CLN8: variants seen among roughly 807,000 people sequenced by gnomAD.
The protein encoded by CLN8 is CLN8 transmembrane ER and ERGIC protein, also known as protein CLN8.
In CLN8, 14 loss-of-function variants were observed where a neutral mutation model predicts 15.7. The ratio of observed to expected loss-of-function variants is 0.89; its 90% CI spans 0.59 to 1.39. CLN8 has a LOEUF of 1.39. Ranked by LOEUF, CLN8 falls within the 40% of genes most tolerant of loss-of-function variation. The probability of loss-of-function intolerance (pLI) is 0.00; values close to 1 mark genes in which losing one functional copy is unlikely to be tolerated. For synonymous variants in CLN8, 188 were observed against 151.0 expected (o/e 1.25, Z -1.80); for missense variants, 415 against 364.0 (o/e 1.14, Z -1.14).
intron 1 of CLN8, among the ~76,000 whole-genome samples, chr8:1,767,785 C>T (rs1359940992): frequency 6.6e-6 from 1 of 151,714 alleles, no homozygotes; most frequent in Non-Finnish European, 1.5e-5. Context: ...GTTGGCCAGG[C>T]TGGTCTCGAA....
upstream of CLN8, chr8:1,759,819 G>A (rs1349626942): frequency 6.6e-6 from 1 of 152,192 alleles, no homozygotes; most frequent in Non-Finnish European, 1.5e-5. Flanking sequence ...AACTACTATT[G>A]CTCACTGGTG....
rs188634468 is a variant in CLN8 at position 1,785,102 on chromosome 8, C to T, written c.*4535C>T. 1.7e-3 allele frequency: 262 copies of T among 156,656 alleles called. 1 individual carries two copies. Among genetic ancestry groups the T allele is most frequent in the Admixed American group, 0.011 (181 of 16,320 alleles). 9.7% of individuals were successfully genotyped at this position (156,656 alleles called of 1,614,324 possible). A position where few individuals can be genotyped will look rare whatever the true frequency, so the allele number is the denominator to read the frequency against. On this transcript the variant is annotated 3_prime_UTR_variant, in exon 3 of 3. Transcript: ENST00000331222. ...ACCAGGTCAGAACTCTTGTTCTATGCGAATGTGCTCACGCAGACAGAAGCG... is the reference window on the plus strand; with the variant it reads ...ACCAGGTCAGAACTCTTGTTCTATGTGAATGTGCTCACGCAGACAGAAGCG...
Position 1,785,221 on chromosome 8 carries a change from C to T in CLN8, c.*4654C>T. On this transcript the variant is annotated 3_prime_UTR_variant, in exon 3 of 3. Transcript: ENST00000331222. ...TCGGCCGCGAAGTGTGTCAGGTGTG[C>T]ATCCTGGGTGCTCCTTTGTGCTCTG... is the stretch of plus-strand genomic sequence containing the variant. 1 of 172,604 alleles carries T rather than the reference C, an allele frequency of 5.8e-6. No homozygotes were observed. The highest frequency in any genetic ancestry group is 1.7e-4 in the East Asian group (1 of 5,766). The allele number at this position is 172,604 out of a possible 1,614,324, so 10.7% of individuals were successfully genotyped here.
chr8:1,767,101 G>A (rs909497065), intron 1 of CLN8, among the ~76,000 whole-genome samples: 20 of 152,220 alleles, frequency 1.3e-4, no homozygotes, highest in African/African-American at 4.6e-4. Context: ...TCATGGCTGA[G>A]AGAGCTGAGG....
At position 1,781,447 on chromosome 8, in the gene CLN8, G is replaced by A. The variant is rs763555564; in HGVS notation, c.*880G>A. 1.3e-5 allele frequency: 2 copies of A among 151,612 alleles called. No homozygotes were observed. Among genetic ancestry groups the A allele is most frequent in the Non-Finnish European group, 2.9e-5 (2 of 67,986 alleles). The allele number at this position is 151,612 out of a possible 1,614,324, so 9.4% of individuals were successfully genotyped here. A position where few individuals can be genotyped will look rare whatever the true frequency, so the allele number is the denominator to read the frequency against. ...GCAAGTGGTACAAAGACAACGCTGA[G>A]GGGTAGTGACTCCTGTAGCAGCAGA... On this transcript the variant is annotated 3_prime_UTR_variant, in exon 3 of 3. Coordinates refer to ENST00000331222, the MANE Select transcript of CLN8 (RefSeq NM_018941.4).
At chr8:1,771,635 A>T (rs771758079) in intron 2 of CLN8, 38 bp downstream of exon 2, 1 of 1,584,926 alleles carries the variant, frequency 6.3e-7, no homozygotes, top group South Asian at 1.1e-5. Flanking sequence ...CATGTGCCTC[A>T]CGCATTTAAT....
chr8:1,767,796 C>T (rs1463325129), intron 1 of CLN8, among the ~76,000 whole-genome samples: 7 of 151,972 alleles, frequency 4.6e-5, no homozygotes, highest in African/African-American at 1.7e-4. Context: ...TGGTCTCGAA[C>T]TTCTGACCTT....
rs1006137760 is a variant in CLN8 at position 1,778,056 on chromosome 8, C to T, written c.544-2194C>T. On this transcript the variant is annotated intron_variant, in intron 2 of 2. Coordinates refer to ENST00000331222, the MANE Select transcript of CLN8 (RefSeq NM_018941.4). Reference sequence around the variant, plus strand: ...TGGGTGTGGGCCCACCTGGTACTGCCGCTATGGGTCTGAGGGAGGTGTGAG... The same window carrying T: ...TGGGTGTGGGCCCACCTGGTACTGCTGCTATGGGTCTGAGGGAGGTGTGAG... Among the ~76,000 whole-genome samples the T allele has an allele frequency of 4.6e-5, 7 of 152,158 alleles. No homozygotes were observed. The South Asian group carries it at 8.3e-4, about 18-fold the overall frequency.
chr8:1,761,688 G>C (rs1448847461), upstream of CLN8, among the ~76,000 whole-genome samples: 3 of 152,234 alleles, frequency 2.0e-5, no homozygotes, highest in African/African-American at 7.2e-5. Flanking sequence ...GGAGCACTGA[G>C]GGGTCAGATC....
At chr8:1,770,418 G>A (rs1801252405) in intron 1 of CLN8, among the ~76,000 whole-genome samples, 1 of 152,200 alleles carries the variant, frequency 6.6e-6, no homozygotes, top group South Asian at 2.1e-4. Context: ...AGGTCACAGT[G>A]AGGAGTTCAG....
At position 1,774,490 on chromosome 8, in the gene CLN8, A is replaced by G. The variant is rs141770170; in HGVS notation, c.543+2893A>G. On this transcript the variant is annotated intron_variant, in intron 2 of 2. Coordinates refer to ENST00000331222, the MANE Select transcript of CLN8 (RefSeq NM_018941.4). ...TCTTTTAAAGCTGATAGATTCTTGC[A>G]TAGTAGTAGGGCATGAGGATTCAAC... 1.9e-3 allele frequency among the ~76,000 whole-genome samples: 285 copies of G among 152,354 alleles called. 2 individuals carry two copies. The highest frequency in any genetic ancestry group is 6.7e-3 in the African/African-American group (278 of 41,582).
At chr8:1,758,313 C>G in intron 1 of CLN8, 1 of 83,550 alleles carries the variant, frequency 1.2e-5, no homozygotes, top group East Asian at 4.6e-4. Flanking sequence ...AACGGTAAGA[C>G]AGACTTGTCA....
In CLN8 at chr8:1,780,337, A is replaced by T. The variant is rs745785480; in HGVS notation, c.631A>T (p.Met211Leu). Residue 211 changes from methionine to leucine, a missense_variant, in exon 3 of 3, where the codon ATG (methionine) becomes TTG (leucine). Physicochemically the swap from Met to Leu is conservative, Grantham distance 15 (BLOSUM62 2). Coordinates refer to ENST00000331222, the MANE Select transcript of CLN8 (RefSeq NM_018941.4). ...FHCRMVLTYHMWWVCFWHWDG... is the reference protein window; with the variant it reads ...FHCRMVLTYHLWWVCFWHWDG... ...CTGCCGCATGGTTCTAACCTACCAC[A>T]TGTGGTGGGTGTGTTTCTGGCACTG... 1.1e-5 allele frequency: 18 copies of T among 1,614,066 alleles called. No homozygotes were observed. The highest frequency in any genetic ancestry group is 1.4e-5 in the Non-Finnish European group (17 of 1,180,040).
chr8:1,762,880 C>A (rs997421012), upstream of CLN8: 16 of 152,178 alleles, frequency 1.1e-4, no homozygotes, highest in African/African-American at 3.9e-4. Context: ...TTTCAAGGAA[C>A]GTGTATTGAT....
At chr8:1,779,806 T>A (rs1801651927) in intron 2 of CLN8, among the ~76,000 whole-genome samples, 1 of 152,180 alleles carries the variant, frequency 6.6e-6, no homozygotes, top group Non-Finnish European at 1.5e-5. Flanking sequence ...ACTAATCTCA[T>A]CATGGGGCCT....
chr8:1,771,979 A>T (rs1308912502), intron 2 of CLN8, among the ~76,000 whole-genome samples: 1 of 151,378 alleles, frequency 6.6e-6, no homozygotes, highest in Non-Finnish European at 1.5e-5. Context: ...TCTGTCGCCC[A>T]GGCTGGAGTA....
intron 2 of CLN8, among the ~76,000 whole-genome samples, chr8:1,775,345 A>G (rs2129013447): frequency 6.6e-6 from 1 of 152,320 alleles, no homozygotes; most frequent in African/African-American, 2.4e-5. Context: ...CCCAGGAACC[A>G]GTCCCCCAAG....
chr8:1,774,745 C>T (rs949066266), intron 2 of CLN8, among the ~76,000 whole-genome samples: 4 of 152,200 alleles, frequency 2.6e-5, no homozygotes, highest in African/African-American at 9.7e-5. Flanking sequence ...GTAATCCCAG[C>T]ACTTTGGGAG....
upstream of CLN8, among the ~76,000 whole-genome samples, chr8:1,755,622 G>A (rs1285725350): frequency 6.6e-6 from 1 of 152,202 alleles, no homozygotes; most frequent in African/African-American, 2.4e-5. Context: ...TCTGCCCAGA[G>A]GGCTGGGGGT....
Sources: gnomAD v4.1 joint callset for allele counts (sites outside exome capture counted in the v4.1 genomes callset) on GRCh38, gnomAD v4.1.1 for gene constraint, MANE v1.5 for transcripts, NCBI Gene and HGNC (gene_info 2026-07-23, HGNC 2026-07-21) for gene names.